KCNN2: variants seen among roughly 807,000 people sequenced by gnomAD.
KCNN2 encodes the protein potassium calcium-activated channel subfamily N member 2, also known as small conductance calcium-activated potassium channel protein 2.
In KCNN2, 24 loss-of-function variants were observed where a neutral mutation model predicts 55.5. That is an observed-to-expected ratio of 0.43 (90% CI 0.31 to 0.61). The LOEUF (loss-of-function observed/expected upper bound fraction) is 0.61, where lower values mean the gene tolerates loss of function less well. KCNN2 is among the 20% of genes least tolerant of loss of function. The pLI is 0.08. For synonymous variants in KCNN2, 431 were observed against 336.1 expected (o/e 1.28, Z -3.09); for missense variants, 754 against 853.6 (o/e 0.88, Z 1.45).
At chr5:114,144,681 T>G (rs1752360156) in intron 1 of KCNN2, among the ~76,000 whole-genome samples, 1 of 151,846 alleles carries the variant, frequency 6.6e-6, no homozygotes, top group Non-Finnish European at 1.5e-5. Flanking sequence ...ATTATGTTGG[T>G]TTTTGAACTA....
intron 2 of KCNN2, among the ~76,000 whole-genome samples, chr5:114,352,127 T>C (rs1251118929): frequency 6.6e-6 from 1 of 151,752 alleles, no homozygotes; most frequent in African/African-American, 2.4e-5. Context: ...CCCATTCAAA[T>C]TTTCTACTTA....
At chr5:114,094,860 C>A (rs2112560719) in intron 1 of KCNN2, among the ~76,000 whole-genome samples, 1 of 152,086 alleles carries the variant, frequency 6.6e-6, no homozygotes, top group Non-Finnish European at 1.5e-5. Flanking sequence ...TTTTGATGAC[C>A]ATACAATGGA....
At chr5:114,432,049 G>A (rs183166007) in intron 3 of KCNN2, among the ~76,000 whole-genome samples, 2 of 152,318 alleles carry the variant, frequency 1.3e-5, no homozygotes, top group Admixed American at 1.3e-4. Flanking sequence ...TTCTGCTGTT[G>A]TTGTGTAAAG....
chr5:114,306,934 C>T (rs750582468), intron 2 of KCNN2, among the ~76,000 whole-genome samples: 1 of 152,016 alleles, frequency 6.6e-6, no homozygotes, highest in Non-Finnish European at 1.5e-5. Context: ...GAACTCCTGA[C>T]CTCAGGTGAT....
intron 1 of KCNN2, among the ~76,000 whole-genome samples, chr5:114,163,751 A>G (rs1028169344): frequency 6.6e-6 from 1 of 152,162 alleles, no homozygotes; most frequent in Non-Finnish European, 1.5e-5. Context: ...ACAGTTTAGC[A>G]TGGCTTTGAG....
chr5:114,308,814 C>T (rs996445698), intron 2 of KCNN2, among the ~76,000 whole-genome samples: 4 of 152,094 alleles, frequency 2.6e-5, no homozygotes, highest in South Asian at 2.1e-4. Flanking sequence ...ATTTAAAAAT[C>T]CCTATTTCTC....
At chr5:114,109,365 A>G (rs1312963439) in intron 1 of KCNN2, among the ~76,000 whole-genome samples, 2 of 152,074 alleles carry the variant, frequency 1.3e-5, no homozygotes, top group Non-Finnish European at 2.9e-5. Flanking sequence ...AGGAAGTAAC[A>G]TCTTAACAAC....
At chr5:114,391,292 A>G (rs150670103) in intron 2 of KCNN2, among the ~76,000 whole-genome samples, 2 of 152,168 alleles carry the variant, frequency 1.3e-5, no homozygotes, top group African/African-American at 2.4e-5. Flanking sequence ...GGTCCATGGA[A>G]TGCTAATACT....
chr5:114,275,476 G>A (rs1275028439), intron 2 of KCNN2, among the ~76,000 whole-genome samples: 1 of 151,828 alleles, frequency 6.6e-6, no homozygotes, highest in African/African-American at 2.4e-5. Flanking sequence ...GACTCTTTTT[G>A]GTTGGTAGGC....
chr5:114,215,953 A>G (rs1227971164), intron 1 of KCNN2, among the ~76,000 whole-genome samples: 1 of 152,154 alleles, frequency 6.6e-6, no homozygotes, highest in Non-Finnish European at 1.5e-5. Flanking sequence ...GAACTAGCCG[A>G]TTACCCAAAG....
intron 3 of KCNN2, among the ~76,000 whole-genome samples, chr5:114,411,517 T>C (rs1015394308): frequency 2.6e-5 from 4 of 152,100 alleles, no homozygotes; most frequent in African/African-American, 9.7e-5. Context: ...GGTGCAACTC[T>C]CAGTCCAAAG....
At chr5:114,245,023 T>C (rs1490839914) in intron 2 of KCNN2, among the ~76,000 whole-genome samples, 1 of 152,186 alleles carries the variant, frequency 6.6e-6, no homozygotes, top group African/African-American at 2.4e-5. Flanking sequence ...AAATAATAGT[T>C]GTACAAGGCA....
At chr5:114,343,627 A>T (rs1757056728) in intron 2 of KCNN2, among the ~76,000 whole-genome samples, 1 of 152,016 alleles carries the variant, frequency 6.6e-6, no homozygotes. Context: ...AAGAATGCTC[A>T]TCTCTCCAAG....
At chr5:114,454,017 C>T (rs921366812) in intron 3 of KCNN2, among the ~76,000 whole-genome samples, 1 of 152,046 alleles carries the variant, frequency 6.6e-6, no homozygotes, top group Non-Finnish European at 1.5e-5. Context: ...TGTTCCCTGC[C>T]CTGTGTCCAC....
intron 2 of KCNN2, among the ~76,000 whole-genome samples, chr5:114,261,416 T>C (rs1453214017): frequency 2.6e-4 from 39 of 152,276 alleles, no homozygotes; most frequent in Admixed American, 2.5e-3. Context: ...GTTCAGGCAC[T>C]GGGCACAGGA....
intron 2 of KCNN2, among the ~76,000 whole-genome samples, chr5:114,270,211 C>A (rs935436241): frequency 6.6e-6 from 1 of 152,088 alleles, no homozygotes; most frequent in Non-Finnish European, 1.5e-5. Context: ...AATTGTGAGG[C>A]GCTTTTACTC....
intron 2 of KCNN2, among the ~76,000 whole-genome samples, chr5:114,250,293 A>T (rs988587796): frequency 6.6e-6 from 1 of 152,166 alleles, no homozygotes; most frequent in Admixed American, 6.5e-5. Flanking sequence ...TTATCTTAAC[A>T]GGTTTGGGTC....
intron 3 of KCNN2, among the ~76,000 whole-genome samples, chr5:114,422,701 C>A (rs112773429): frequency 0.027 from 4,096 of 152,286 alleles, 67 homozygotes; most frequent in Non-Finnish European, 0.036. Flanking sequence ...AAATACCCTT[C>A]AGTAAGTCTG....
At chr5:114,482,299 G>A (rs1196345062) in intron 5 of KCNN2, among the ~76,000 whole-genome samples, 1 of 152,172 alleles carries the variant, frequency 6.6e-6, no homozygotes, top group Admixed American at 6.5e-5. Context: ...GGTCATTAGA[G>A]AAATGCAAAT....
Sources: allele counts gnomAD v4.1 joint callset (sites outside exome capture counted in the v4.1 genomes callset), GRCh38; gene constraint gnomAD v4.1.1; transcripts MANE v1.5; gene names NCBI Gene and HGNC (gene_info 2026-07-23, HGNC 2026-07-21).